The following ARID3B variants were observed in gnomAD, a reference collection of about 807,000 sequenced individuals.
The protein encoded by ARID3B is AT-rich interactive domain-containing protein 3B.
In ARID3B, 10 loss-of-function variants were observed where a neutral mutation model predicts 51.9. The observed-to-expected ratio is 0.19, with a 90% CI of 0.12 to 0.33. The LOEUF (loss-of-function observed/expected upper bound fraction) is 0.33. Among genes scored for constraint, ARID3B ranks in the 10% least tolerant of loss-of-function variants. The pLI is 1.00. For missense variants in ARID3B, 483 were observed against 716.3 expected, an observed-to-expected ratio of 0.67 and a Z score of 3.72; for synonymous variants, 205 against 279.5, an observed-to-expected ratio of 0.73 and a Z score of 2.66.
At chr15:74,581,965 C>T (rs1460179260) in intron 4 of ARID3B, among the ~76,000 whole-genome samples, 1 of 152,188 alleles carries the variant, frequency 6.6e-6, no homozygotes, top group Non-Finnish European at 1.5e-5. Context: ...TCTAGTGGCA[C>T]AACAGCATTG....
At chr15:74,547,682 C>T (rs1439558148) in intron 2 of ARID3B, among the ~76,000 whole-genome samples, 2 of 152,196 alleles carry the variant, frequency 1.3e-5, no homozygotes, top group African/African-American at 4.8e-5. Flanking sequence ...TTGATTCTGT[C>T]CTGAGTCTAC....
chr15:74,556,949 A>G (rs1596253139), intron 2 of ARID3B, among the ~76,000 whole-genome samples: 1 of 150,148 alleles, frequency 6.7e-6, no homozygotes, highest in Non-Finnish European at 1.5e-5. Flanking sequence ...TAATTTTTGT[A>G]TTTTTTTAGT....
At chr15:74,576,146 C>T (rs2061736543) in intron 4 of ARID3B, among the ~76,000 whole-genome samples, 1 of 152,082 alleles carries the variant, frequency 6.6e-6, no homozygotes, top group Non-Finnish European at 1.5e-5. Flanking sequence ...CCTCCCACCT[C>T]GGCTTTTCAG....
chr15:74,563,577 A>G (rs1470316928), intron 2 of ARID3B, among the ~76,000 whole-genome samples: 1 of 152,066 alleles, frequency 6.6e-6, no homozygotes, highest in East Asian at 1.9e-4. Flanking sequence ...GGTCCATTGA[A>G]GTGTTCTTGT....
intron 2 of ARID3B, among the ~76,000 whole-genome samples, chr15:74,572,124 A>G (rs1339703472): frequency 6.6e-6 from 1 of 152,190 alleles, no homozygotes; most frequent in Non-Finnish European, 1.5e-5. Flanking sequence ...AAAGAAAAAA[A>G]AAAAAGTTAC....
At chr15:74,559,313 G>A (rs920978823) in intron 2 of ARID3B, among the ~76,000 whole-genome samples, 1 of 152,230 alleles carries the variant, frequency 6.6e-6, no homozygotes, top group Non-Finnish European at 1.5e-5. Context: ...GCAACGGGTA[G>A]AGTGTTAAAT....
At chr15:74,581,754 G>A (rs771592510) in intron 4 of ARID3B, among the ~76,000 whole-genome samples, 6 of 152,170 alleles carry the variant, frequency 3.9e-5, no homozygotes, top group South Asian at 2.1e-4. Flanking sequence ...TGCTTTTGTC[G>A]TTAAATTCAG....
intron 4 of ARID3B, chr15:74,573,914 G>A (rs1316703027): frequency 6.6e-6 from 1 of 152,072 alleles, no homozygotes; most frequent in Non-Finnish European, 1.5e-5. Flanking sequence ...GCTAATTTTT[G>A]TATTTCTTTT....
At chr15:74,577,905 CTG>C (rs1457850485) in intron 4 of ARID3B, among the ~76,000 whole-genome samples, 1 of 152,098 alleles carries the variant, frequency 6.6e-6, no homozygotes, top group Non-Finnish European at 1.5e-5. Context: ...GAGTCCCAGT[CTG>C]GAGTTCAGTG....
chr15:74,542,723 G>T (rs1446702027), intron 1 of ARID3B, among the ~76,000 whole-genome samples: 1 of 152,298 alleles, frequency 6.6e-6, no homozygotes, highest in Non-Finnish European at 1.5e-5. Context: ...AAAATTGTAC[G>T]CCATGTTGCA....
At chr15:74,555,807 T>TTTTC in intron 2 of ARID3B, among the ~76,000 whole-genome samples, 1 of 148,102 alleles carries the variant, frequency 6.8e-6, no homozygotes, top group African/African-American at 2.5e-5. Flanking sequence ...TTTTTTTTTT[T>TTTTC]TTGAGACGGA....
intron 4 of ARID3B, among the ~76,000 whole-genome samples, chr15:74,583,395 TGA>T (rs1354260923): frequency 3.9e-5 from 6 of 152,018 alleles, no homozygotes; most frequent in Non-Finnish European, 8.8e-5. Flanking sequence ...GAAAGAGGCA[TGA>T]GAGAGTTTTC....
chr15:74,573,537 A>C, intron 4 of ARID3B: 1 of 329,620 alleles, frequency 3.0e-6, no homozygotes, highest in Non-Finnish European at 5.7e-6. Flanking sequence ...TTAATCTAGC[A>C]TGTGGGCCTT....
Position 74,541,312 on chromosome 15 carries a change from C to T in ARID3B, c.-96C>T, listed in dbSNP as rs915051048. On this transcript the variant is annotated 5_prime_UTR_variant, in exon 1 of 9. Coordinates refer to ENST00000346246, the MANE Select transcript of ARID3B (RefSeq NM_006465.4). ...TGCCGCCTCCTCCGCCGCCCGAAAACCCGGAGTGCCCCGCACAGGTAAGTG... is the reference window on the plus strand; with the variant it reads ...TGCCGCCTCCTCCGCCGCCCGAAAATCCGGAGTGCCCCGCACAGGTAAGTG... 1 of 152,290 alleles carries T rather than the reference C, an allele frequency of 6.6e-6. No individual in the cohort carries two copies. The highest frequency in any genetic ancestry group is 2.4e-5 in the African/African-American group (1 of 41,456). The allele number at this position is 152,290 out of a possible 1,614,324, so 9.4% of individuals were successfully genotyped here.
chr15:74,597,668 C>T lies in ARID3B; in HGVS notation c.*1894C>T, dbSNP rs888956004. 5 of 524,684 alleles carry T rather than the reference C, an allele frequency of 9.5e-6. No individual in the cohort carries two copies. The highest frequency in any genetic ancestry group is 9.4e-5 in the African/African-American group (5 of 53,298). 32.5% of individuals were successfully genotyped at this position (524,684 alleles called of 1,614,324 possible). The stretch of plus-strand genomic sequence containing the variant: ...ATTTGAAGGTGTCTCAGACATTTGG[C>T]CAGTATGTCTTTCTCAGGGGTTTGG... On this transcript the variant is annotated 3_prime_UTR_variant, in exon 9 of 9. Coordinates refer to ENST00000346246, the MANE Select transcript of ARID3B (RefSeq NM_006465.4).
intron 4 of ARID3B, among the ~76,000 whole-genome samples, chr15:74,584,837 C>G (rs1419949138): frequency 2.6e-5 from 4 of 152,204 alleles, no homozygotes; most frequent in Admixed American, 6.5e-5. Context: ...TTCCCACCAA[C>G]AAGGGTTAAA....
In ARID3B at chr15:74,597,271, G is replaced by A. The variant is rs2061831026; in HGVS notation, c.*1497G>A. On this transcript the variant is annotated 3_prime_UTR_variant, in exon 9 of 9. Coordinates refer to ENST00000346246, the MANE Select transcript of ARID3B (RefSeq NM_006465.4). The stretch of plus-strand genomic sequence containing the variant: ...GATTCGCTTGCGGCTCACCTCAGTC[G>A]AGGAAGCCCTGGAATGTTCAGCAGA... The A allele has an allele frequency of 2.6e-6, 1 of 382,704 alleles. No homozygotes were observed. 23.7% of individuals were successfully genotyped at this position (382,704 alleles called of 1,614,324 possible).
chr15:74,559,035 G>A (rs570726062), intron 2 of ARID3B, among the ~76,000 whole-genome samples: 2 of 152,216 alleles, frequency 1.3e-5, no homozygotes, highest in Admixed American at 1.3e-4. Context: ...AGTTTATGGC[G>A]GGCCATGTAG....
chr15:74,561,277 C>T (rs2061678794), intron 2 of ARID3B, among the ~76,000 whole-genome samples: 1 of 152,166 alleles, frequency 6.6e-6, no homozygotes, highest in South Asian at 2.1e-4. Flanking sequence ...CTCTTTACTA[C>T]ATCTAGAATG....
Sources: gnomAD v4.1 joint callset for allele counts (sites outside exome capture counted in the v4.1 genomes callset) on GRCh38, gnomAD v4.1.1 for gene constraint, MANE v1.5 for transcripts, NCBI Gene and HGNC (gene_info 2026-07-23, HGNC 2026-07-21) for gene names.